Variants in ALMS1 observed in about 807,000 individuals in gnomAD.
ALMS1 encodes the protein centrosome-associated protein ALMS1.
A neutral mutation model predicts 352.2 loss-of-function variants in ALMS1; 271 were observed. That is an observed-to-expected ratio of 0.77 (90% CI 0.70 to 0.85). ALMS1 has a LOEUF of 0.85. Ranked by LOEUF, ALMS1 falls within the 40% of genes least tolerant of loss-of-function variation. The probability of loss-of-function intolerance (pLI) is 0.00; values close to 1 mark genes in which losing one functional copy is unlikely to be tolerated. For missense variants in ALMS1, 5,445 were observed against 4,870.7 expected, an observed-to-expected ratio of 1.12 and a Z score of -3.51; for synonymous variants, 1,865 against 1,761.2, an observed-to-expected ratio of 1.06 and a Z score of -1.48.
At chr2:73,577,729 AT>A (rs914325972) in intron 16 of ALMS1, among the ~76,000 whole-genome samples, 50 of 152,018 alleles carry the variant, frequency 3.3e-4, no homozygotes, top group African/African-American at 1.1e-3. Flanking sequence ...TTTCTTTGTT[AT>A]TGATTTCTGG....
intron 16 of ALMS1, among the ~76,000 whole-genome samples, chr2:73,580,781 A>G (rs1242917976): frequency 6.6e-6 from 1 of 152,190 alleles, no homozygotes; most frequent in Non-Finnish European, 1.5e-5. Context: ...TTTCTAAATT[A>G]TGTTTGTAAC....
chr2:73,397,241 C>T (rs1029655085), intron 1 of ALMS1, among the ~76,000 whole-genome samples: 1 of 152,168 alleles, frequency 6.6e-6, no homozygotes, highest in African/African-American at 2.4e-5. Context: ...TTAGTTCCCA[C>T]AGTGGTTTCT....
chr2:73,529,256 C>T (rs914885578), intron 11 of ALMS1, among the ~76,000 whole-genome samples: 5 of 152,094 alleles, frequency 3.3e-5, no homozygotes, highest in Non-Finnish European at 7.4e-5. Flanking sequence ...GTTGGCCAAG[C>T]TGGTCTTGAA....
chr2:73,522,054 C>T (rs1168991783), intron 11 of ALMS1, among the ~76,000 whole-genome samples: 2 of 151,852 alleles, frequency 1.3e-5, no homozygotes, highest in Non-Finnish European at 2.9e-5. Flanking sequence ...TTTTTCCTTT[C>T]CCGGAAGCAG....
intron 10 of ALMS1, among the ~76,000 whole-genome samples, chr2:73,519,260 C>A (rs1673621946): frequency 6.6e-6 from 1 of 152,138 alleles, no homozygotes; most frequent in Non-Finnish European, 1.5e-5. Context: ...CTTCTTAAAG[C>A]AAAATTTGCT....
intron 1 of ALMS1, among the ~76,000 whole-genome samples, chr2:73,396,026 C>G (rs147703696): frequency 1.3e-5 from 2 of 152,292 alleles, no homozygotes; most frequent in East Asian, 1.9e-4. Flanking sequence ...GGGCCACATT[C>G]ATGGTCCTCG....
chr2:73,516,462 A>G (rs1234170277), intron 10 of ALMS1, among the ~76,000 whole-genome samples: 1 of 152,078 alleles, frequency 6.6e-6, no homozygotes, highest in Non-Finnish European at 1.5e-5. Context: ...CCAAAACAAA[A>G]TAAATCATTC....
chr2:73,394,017 C>A (rs1670705617), intron 1 of ALMS1, among the ~76,000 whole-genome samples: 1 of 151,926 alleles, frequency 6.6e-6, no homozygotes, highest in African/African-American at 2.4e-5. Flanking sequence ...GATGGAATCT[C>A]ACCATGTTGC....
chr2:73,573,903 G>A (rs182473372), intron 16 of ALMS1, among the ~76,000 whole-genome samples: 1 of 151,924 alleles, frequency 6.6e-6, no homozygotes, highest in African/African-American at 2.4e-5. Context: ...TTGAAGCTGG[G>A]GTGAGCTACA....
chr2:73,480,680 A>C (rs1371970437), intron 9 of ALMS1, among the ~76,000 whole-genome samples: 15 of 150,572 alleles, frequency 1.0e-4, no homozygotes, highest in African/African-American at 3.4e-4. Flanking sequence ...GAACTAGTTT[A>C]CAGTCCCACC....
intron 5 of ALMS1, 81 bp from the exon 6 acceptor site, chr2:73,426,372 A>G: frequency 1.4e-6 from 2 of 1,394,224 alleles, no homozygotes; most frequent in Non-Finnish European, 2.0e-6. Context: ...GATATAGGCC[A>G]AGGTGAAAGT....
chr2:73,397,572 A>G (rs1670788400), intron 1 of ALMS1, among the ~76,000 whole-genome samples: 1 of 152,004 alleles, frequency 6.6e-6, no homozygotes, highest in Non-Finnish European at 1.5e-5. Flanking sequence ...GATTCAAGTG[A>G]TTCTCCTGCC....
At chr2:73,566,228 C>T (rs1268964625) in intron 15 of ALMS1, among the ~76,000 whole-genome samples, 1 of 152,176 alleles carries the variant, frequency 6.6e-6, no homozygotes, top group Non-Finnish European at 1.5e-5. Context: ...TAAGAAATTT[C>T]ATCTTCTTAA....
At chr2:73,592,521 G>A (rs1675455125) in intron 16 of ALMS1, among the ~76,000 whole-genome samples, 1 of 152,164 alleles carries the variant, frequency 6.6e-6, no homozygotes, top group Non-Finnish European at 1.5e-5. Flanking sequence ...TTTTATCAAT[G>A]TGTGTCTCTG....
At chr2:73,463,382 A>G (rs546392133) in intron 9 of ALMS1, among the ~76,000 whole-genome samples, 2 of 151,772 alleles carry the variant, frequency 1.3e-5, no homozygotes, top group African/African-American at 4.8e-5. Flanking sequence ...AGGCACAAAT[A>G]AAGATGTTCT....
chr2:73,536,875 C>T (rs1674040546), intron 12 of ALMS1, among the ~76,000 whole-genome samples: 1 of 152,196 alleles, frequency 6.6e-6, no homozygotes, highest in Admixed American at 6.5e-5. Flanking sequence ...GGCCAAATCC[C>T]ACTAAGCACA....
At chr2:73,481,487 G>C (rs1053930194) in intron 9 of ALMS1, among the ~76,000 whole-genome samples, 4 of 152,156 alleles carry the variant, frequency 2.6e-5, no homozygotes, top group African/African-American at 9.7e-5. Context: ...TAGCCTTGTA[G>C]TATAGTTTGA....
chr2:73,396,320 A>G (rs1412415161), intron 1 of ALMS1, among the ~76,000 whole-genome samples: 1 of 150,680 alleles, frequency 6.6e-6, no homozygotes, highest in African/African-American at 2.5e-5. Context: ...ACACACACAC[A>G]CACACACACA....
At chr2:73,399,413 T>C (rs1318122281) in intron 1 of ALMS1, among the ~76,000 whole-genome samples, 1 of 152,068 alleles carries the variant, frequency 6.6e-6, no homozygotes, top group African/African-American at 2.4e-5. Flanking sequence ...GGTGCCAGCA[T>C]CTGCTTCTGG....
Sources: allele counts gnomAD v4.1 joint callset (sites outside exome capture counted in the v4.1 genomes callset), GRCh38; gene constraint gnomAD v4.1.1; transcripts MANE v1.5; gene names NCBI Gene and HGNC (gene_info 2026-07-23, HGNC 2026-07-21).